FYTTD1: variants seen among roughly 807,000 people sequenced by gnomAD.
The protein encoded by FYTTD1 is UAP56-interacting factor.
In FYTTD1, 22 loss-of-function variants were observed where a neutral mutation model predicts 40.9. The ratio of observed to expected loss-of-function variants is 0.54; its 90% CI spans 0.38 to 0.77. FYTTD1 has a LOEUF of 0.77. Ranked by LOEUF, FYTTD1 falls within the 30% of genes least tolerant of loss-of-function variation. The probability of loss-of-function intolerance (pLI) is 0.00; values close to 1 mark genes in which losing one functional copy is unlikely to be tolerated. For synonymous variants in FYTTD1, 140 were observed against 137.9 expected, an observed-to-expected ratio of 1.01 and a Z score of -0.10; for missense variants, 351 against 392.2, an observed-to-expected ratio of 0.90 and a Z score of 0.89.
chr3:197,756,493 C>A lies in FYTTD1; in HGVS notation c.171C>A (p.Leu57=), dbSNP rs747761697. The change falls in exon 2 of 9, where the codon CTC becomes CTA. Residue 57 remains leucine (L), a synonymous_variant. Coordinates refer to ENST00000241502, the MANE Select transcript of FYTTD1 (RefSeq NM_032288.7). ...ATTTTCCAAGACTAAATAGAAGACT[C>A]CTCCAGCAAAGTGGTGCCCAGCAAT... is the stretch of plus-strand genomic sequence containing the variant. ...KQNFPRLNRR[L]LQQSGAQQFR... 2.5e-6 allele frequency: 4 copies of A among 1,611,842 alleles called. No individual in the cohort carries two copies. Among genetic ancestry groups the A allele is most frequent in the East Asian group, 2.2e-5 (1 of 44,860 alleles).
intron 1 of FYTTD1, among the ~76,000 whole-genome samples, chr3:197,756,051 T>C (rs778306786): frequency 1.1e-4 from 16 of 151,666 alleles, no homozygotes; most frequent in East Asian, 9.7e-4. Flanking sequence ...TCTGTGATTA[T>C]GGGAAGTAGG....
At chr3:197,755,414 G>C (rs1274464738) in intron 1 of FYTTD1, among the ~76,000 whole-genome samples, 1 of 151,584 alleles carries the variant, frequency 6.6e-6, no homozygotes, top group Non-Finnish European at 1.5e-5. Context: ...TTTAATTTTT[G>C]ATTACCTATA....
intron 8 of FYTTD1, among the ~76,000 whole-genome samples, chr3:197,781,560 T>C (rs1024135657): frequency 5.3e-5 from 8 of 152,192 alleles, no homozygotes; most frequent in African/African-American, 1.9e-4. Flanking sequence ...TGGCAGTGTT[T>C]ACAGAGCCTG....
At chr3:197,779,766 C>CACACCACCACACCTGGGGATACAGGCAA (rs1729974100) in intron 8 of FYTTD1, among the ~76,000 whole-genome samples, 4 of 149,708 alleles carry the variant, frequency 2.7e-5, no homozygotes, top group Admixed American at 6.7e-5. Flanking sequence ...GATACAGGCA[C>CACACCACCACACCTGGGGATACAGGCAA]ACACCACCAC....
intron 2 of FYTTD1, among the ~76,000 whole-genome samples, chr3:197,764,937 G>A (rs1167269369): frequency 6.6e-6 from 1 of 150,396 alleles, no homozygotes; most frequent in African/African-American, 2.4e-5. Context: ...TGCAACCTCC[G>A]CCTCCCAGGT....
intron 1 of FYTTD1, among the ~76,000 whole-genome samples, chr3:197,754,027 A>G (rs1729143587): frequency 6.6e-6 from 1 of 152,084 alleles, no homozygotes; most frequent in Non-Finnish European, 1.5e-5. Flanking sequence ...GGCGTGAGCT[A>G]CCGCACCCGG....
At position 197,781,937 on chromosome 3, in the gene FYTTD1, A is replaced by G. The variant is rs1261768852; in HGVS notation, c.*28A>G. ...CCCATGTCAAAGGAACTTTTGAGTGATGACTCTGAGAAGTTGAATTGCTTG... is the reference window on the plus strand; with the variant it reads ...CCCATGTCAAAGGAACTTTTGAGTGGTGACTCTGAGAAGTTGAATTGCTTG... On this transcript the variant is annotated 3_prime_UTR_variant, in exon 9 of 9. Transcript: ENST00000241502. 3 of 1,426,712 alleles carry G rather than the reference A, an allele frequency of 2.1e-6. No individual in the cohort carries two copies. The highest frequency in any genetic ancestry group is 1.8e-4 in the Middle Eastern group (1 of 5,510). The allele number at this position is 1,426,712 out of a possible 1,614,324, so 88.4% of individuals were successfully genotyped here. A position where few individuals can be genotyped will look rare whatever the true frequency, so the allele number is the denominator to read the frequency against.
At chr3:197,761,530 G>C (rs1201862309) in intron 2 of FYTTD1, among the ~76,000 whole-genome samples, 1 of 151,980 alleles carries the variant, frequency 6.6e-6, no homozygotes, top group African/African-American at 2.4e-5. Flanking sequence ...AGAATGTGTA[G>C]AGTTGTTCCT....
In FYTTD1 at chr3:197,783,285, A is replaced by G. The variant is rs1311807512; in HGVS notation, c.*1376A>G. 2 of 152,592 alleles carry G rather than the reference A, an allele frequency of 1.3e-5. No individual in the cohort carries two copies. Among genetic ancestry groups the G allele is most frequent in the Admixed American group, 1.3e-4 (2 of 15,274 alleles). 9.5% of individuals were successfully genotyped at this position (152,592 alleles called of 1,614,324 possible). ...TGACATTTTAGTTTGCCATTATGTTAAAAACATCTAAATAGGTGTTAGTTT... is the reference window on the plus strand; with the variant it reads ...TGACATTTTAGTTTGCCATTATGTTGAAAACATCTAAATAGGTGTTAGTTT... On this transcript the variant is annotated 3_prime_UTR_variant, in exon 9 of 9. Coordinates refer to ENST00000241502, the MANE Select transcript of FYTTD1 (RefSeq NM_032288.7).
chr3:197,777,045 AC>A, intron 7 of FYTTD1, 44 bp downstream of exon 7: 19 of 1,125,334 alleles, frequency 1.7e-5, no homozygotes, highest in Non-Finnish European at 2.5e-5. Flanking sequence ...ACCTCTCATT[AC>A]ATGAGATCAT....
In FYTTD1 at chr3:197,784,609, T is replaced by C. The variant is rs1730112986; in HGVS notation, c.*2700T>C. 6.6e-6 allele frequency: 1 copy of C among 152,036 alleles called. No individual in the cohort carries two copies. Among genetic ancestry groups the C allele is most frequent in the African/African-American group, 2.4e-5 (1 of 41,380 alleles). The allele number at this position is 152,036 out of a possible 1,614,324, so 9.4% of individuals were successfully genotyped here. ...AGGAGCAAGACCAGCCTGGCTAACA[T>C]AGGGAGACTCTATCTTTACTAAAAA... On this transcript the variant is annotated 3_prime_UTR_variant, in exon 9 of 9. Coordinates refer to ENST00000241502, the MANE Select transcript of FYTTD1 (RefSeq NM_032288.7).
intron 2 of FYTTD1, among the ~76,000 whole-genome samples, chr3:197,757,027 C>T (rs910115318): frequency 6.6e-6 from 1 of 152,198 alleles, no homozygotes; most frequent in Non-Finnish European, 1.5e-5. Flanking sequence ...AAAGCAAATT[C>T]TCTTTTGTAT....
intron 3 of FYTTD1, 114 bp from the exon 4 acceptor site, chr3:197,770,018 T>C (rs1729669944): frequency 1.5e-6 from 1 of 656,408 alleles, no homozygotes; most frequent in South Asian, 2.0e-5. Context: ...GTCTCCCTTA[T>C]CTGCACATTC....
chr3:197,755,748 A>T, intron 1 of FYTTD1: 1 of 1,521,410 alleles, frequency 6.6e-7, no homozygotes, highest in Non-Finnish European at 8.9e-7. Flanking sequence ...TCAGCCTCCC[A>T]AAGTGCTGGG....
chr3:197,775,890 C>T (rs1729861099), intron 6 of FYTTD1, among the ~76,000 whole-genome samples: 1 of 152,062 alleles, frequency 6.6e-6, no homozygotes. Context: ...ACCTGTTAGA[C>T]AAAGCACAAA....
In FYTTD1 at chr3:197,776,066, A is replaced by G. The variant is rs1444701454; in HGVS notation, c.657-861A>G. On this transcript the variant is annotated intron_variant, in intron 6 of 8. Coordinates refer to ENST00000241502, the MANE Select transcript of FYTTD1 (RefSeq NM_032288.7). ...ATAAAGCTGGGGGTGGGTTCAAGAG[A>G]TTCTGCTGAAAGAAACAGAGATTTA... Among the ~76,000 whole-genome samples the G allele has an allele frequency of 2.6e-5, 4 of 152,182 alleles. No homozygotes were observed. In the East Asian group the frequency reaches 7.7e-4, roughly 29 times the overall value.
At chr3:197,769,308 G>A (rs1341650265) in intron 3 of FYTTD1, among the ~76,000 whole-genome samples, 3 of 152,166 alleles carry the variant, frequency 2.0e-5, no homozygotes, top group South Asian at 2.1e-4. Context: ...GGCTGGTCTC[G>A]AACTCCTGAC....
intron 8 of FYTTD1, 112 bp from the exon 9 acceptor site, chr3:197,781,699 C>G (rs1730031964): frequency 1.0e-5 from 7 of 698,294 alleles, no homozygotes; most frequent in African/African-American, 1.8e-5. Context: ...TTTTAGCTGT[C>G]ATTACTTGTA....
intron 6 of FYTTD1, among the ~76,000 whole-genome samples, chr3:197,775,651 A>G (rs1729854936): frequency 6.6e-6 from 1 of 152,246 alleles, no homozygotes; most frequent in South Asian, 2.1e-4. Flanking sequence ...GCTGGCTGTA[A>G]AACATGGTCA....
Sources: allele counts gnomAD v4.1 joint callset (sites outside exome capture counted in the v4.1 genomes callset), GRCh38; gene constraint gnomAD v4.1.1; transcripts MANE v1.5; gene names NCBI Gene and HGNC (gene_info 2026-07-23, HGNC 2026-07-21).